The following SOX5 variants were observed in gnomAD, a reference collection of about 807,000 sequenced individuals.
The protein encoded by SOX5 is SRY-box transcription factor 5, also known as transcription factor SOX-5.
In SOX5, 9 loss-of-function variants were observed where a neutral mutation model predicts 92.0. The ratio of observed to expected loss-of-function variants is 0.10; its 90% confidence interval spans 0.06 to 0.17. The LOEUF is 0.17. Among genes scored for constraint, SOX5 ranks in the 10% least tolerant of loss-of-function variants. The probability of loss-of-function intolerance (pLI) is 1.00; values close to 1 mark genes in which losing one functional copy is unlikely to be tolerated. For synonymous variants in SOX5, 344 were observed against 336.3 expected (o/e 1.02, Z -0.25); for missense variants, 642 against 944.5 (o/e 0.68, Z 4.20).
intron 1 of SOX5, among the ~76,000 whole-genome samples, chr12:24,440,253 C>T (rs1940265199): frequency 6.6e-6 from 1 of 152,192 alleles, no homozygotes. Flanking sequence ...CAGACGCTGA[C>T]TGAGGAACCC....
intron 2 of SOX5, among the ~76,000 whole-genome samples, chr12:23,857,827 G>A (rs7964164): frequency 0.43 from 65,604 of 151,274 alleles, 14,450 homozygotes; most frequent in East Asian, 0.57. Flanking sequence ...CCCCCTCCCA[G>A]GTTCAAGCGA....
intron 1 of SOX5, among the ~76,000 whole-genome samples, chr12:23,912,792 T>C (rs1164758118): frequency 6.6e-6 from 1 of 151,924 alleles, no homozygotes; most frequent in Non-Finnish European, 1.5e-5. Context: ...ATAGAAAAAA[T>C]TGTATAGAAA....
At chr12:23,953,098 CCTCT>C (rs1365562541), upstream of SOX5, among the ~76,000 whole-genome samples, 1 of 151,972 alleles carries the variant, frequency 6.6e-6, no homozygotes, top group African/African-American at 2.4e-5. Context: ...TTAAAATGTA[CCTCT>C]CTAAGCCATA....
intron 3 of SOX5, among the ~76,000 whole-genome samples, chr12:24,235,158 A>G (rs1172210185): frequency 1.3e-5 from 2 of 152,212 alleles, no homozygotes; most frequent in African/African-American, 2.4e-5. Context: ...TTGCTACATT[A>G]TTCTGCTGTG....
At chr12:23,954,034 T>C (rs1042627262), upstream of SOX5, among the ~76,000 whole-genome samples, 1 of 152,060 alleles carries the variant, frequency 6.6e-6, no homozygotes, top group Non-Finnish European at 1.5e-5. Flanking sequence ...AAACAAGTTA[T>C]TTTCAAATTT....
At chr12:23,955,288 C>G (rs1946152249), upstream of SOX5, among the ~76,000 whole-genome samples, 1 of 152,026 alleles carries the variant, frequency 6.6e-6, no homozygotes, top group African/African-American at 2.4e-5. Context: ...CCCACTTTCA[C>G]AAATAACATA....
At chr12:24,555,799 A>AAGCAAGTGTCCAT (rs1274495948) in intron 1 of SOX5, among the ~76,000 whole-genome samples, 1 of 152,202 alleles carries the variant, frequency 6.6e-6, no homozygotes, top group Non-Finnish European at 1.5e-5. Context: ...CAAGTGTCCA[A>AAGCAAGTGTCCAT]AGCAAGTGAA....
At chr12:24,308,622 G>T (rs1436023495) in intron 2 of SOX5, among the ~76,000 whole-genome samples, 1 of 152,086 alleles carries the variant, frequency 6.6e-6, no homozygotes, top group Non-Finnish European at 1.5e-5. Context: ...TATCAACTTG[G>T]TATTCACAAC....
chr12:24,039,255 T>C (rs1414969665), intron 4 of SOX5, among the ~76,000 whole-genome samples: 2 of 152,106 alleles, frequency 1.3e-5, no homozygotes, highest in Non-Finnish European at 2.9e-5. Flanking sequence ...GAGATGATGA[T>C]TTGATGGTTT....
At chr12:23,708,182 AT>A (rs34102978) in intron 6 of SOX5, among the ~76,000 whole-genome samples, 9,043 of 146,030 alleles carry the variant, frequency 0.062, 520 homozygotes, top group East Asian at 0.14. Flanking sequence ...TCTGGGAACT[AT>A]TTTTTTTTTT....
At chr12:24,247,368 G>A (rs1939033577) in intron 3 of SOX5, among the ~76,000 whole-genome samples, 2 of 152,286 alleles carry the variant, frequency 1.3e-5, no homozygotes, top group Admixed American at 1.3e-4. Context: ...AGGTTTCCTT[G>A]AAGAAGTGTG....
intron 3 of SOX5, among the ~76,000 whole-genome samples, chr12:23,836,759 A>T (rs2096420245): frequency 6.6e-6 from 1 of 151,936 alleles, no homozygotes; most frequent in African/African-American, 2.4e-5. Context: ...AATTTTCATC[A>T]CAACCTGCTG....
chr12:23,873,827 G>A (rs1289762173), intron 2 of SOX5, among the ~76,000 whole-genome samples: 1 of 152,172 alleles, frequency 6.6e-6, no homozygotes, highest in Non-Finnish European at 1.5e-5. Flanking sequence ...CACAGAGCAG[G>A]TTTGAAAAGC....
At chr12:24,145,707 A>G (rs1012324572) in intron 4 of SOX5, among the ~76,000 whole-genome samples, 12 of 152,096 alleles carry the variant, frequency 7.9e-5, no homozygotes, top group African/African-American at 2.9e-4. Context: ...GGGTTTCACT[A>G]CGTTGCCCAG....
At chr12:23,976,221 A>C (rs920121698) in intron 4 of SOX5, among the ~76,000 whole-genome samples, 11 of 151,986 alleles carry the variant, frequency 7.2e-5, no homozygotes, top group African/African-American at 2.7e-4. Flanking sequence ...AATTAAATAA[A>C]CCTAAAACTT....
chr12:24,057,354 C>T (rs151307916), intron 4 of SOX5, among the ~76,000 whole-genome samples: 2 of 152,282 alleles, frequency 1.3e-5, no homozygotes, highest in Admixed American at 1.3e-4. Context: ...TGAAGCACAG[C>T]AAACATTGTT....
chr12:24,295,025 G>A (rs564167726), intron 2 of SOX5, among the ~76,000 whole-genome samples: 10 of 152,122 alleles, frequency 6.6e-5, no homozygotes, highest in African/African-American at 2.2e-4. Flanking sequence ...TTTTATATTC[G>A]CGATAAGAAA....
At chr12:23,993,144 A>G (rs1194549702) in intron 4 of SOX5, among the ~76,000 whole-genome samples, 1 of 152,174 alleles carries the variant, frequency 6.6e-6, no homozygotes, top group African/African-American at 2.4e-5. Context: ...TCTGGTCTAT[A>G]GGCTACAGAT....
chr12:23,918,272 G>A lies in SOX5; in HGVS notation c.39-22248C>T, dbSNP rs566948635. Among the ~76,000 whole-genome samples, 27 of 151,610 alleles carry A rather than the reference G, an allele frequency of 1.8e-4. No individual in the cohort carries two copies. The South Asian group carries it at 3.5e-3, about 20-fold the overall frequency. ...ACTGTCTTTCATCTGGCATTTTTTC[G>A]TTTAGTCAAAGTATTTTAAAGGACA... On this transcript the variant is annotated intron_variant, in intron 1 of 14. Transcript: ENST00000451604.
Sources: allele counts gnomAD v4.1 joint callset (sites outside exome capture counted in the v4.1 genomes callset), GRCh38; gene constraint gnomAD v4.1.1; transcripts MANE v1.5; gene names NCBI Gene and HGNC (gene_info 2026-07-23, HGNC 2026-07-21).